DNAH12: variants seen among roughly 807,000 people sequenced by gnomAD.
The protein encoded by DNAH12 is dynein axonemal heavy chain 12.
DNAH12 carries 285 observed loss-of-function variants against 371.5 expected under a neutral mutation model. The observed-to-expected ratio is 0.77, with a 90% confidence interval of 0.70 to 0.85. The LOEUF is 0.85. Among genes scored for constraint, DNAH12 ranks in the 40% least tolerant of loss-of-function variants. The pLI, the probability that DNAH12 is intolerant of heterozygous loss-of-function variation, is 0.00. For missense variants in DNAH12, 3,611 were observed against 3,689.4 expected, an observed-to-expected ratio of 0.98 and a Z score of 0.55; for synonymous variants, 1,200 against 1,213.0, an observed-to-expected ratio of 0.99 and a Z score of 0.22.
intron 69 of DNAH12, among the ~76,000 whole-genome samples, chr3:57,305,243 C>T (rs2061444765): frequency 6.6e-6 from 1 of 152,028 alleles, no homozygotes; most frequent in Non-Finnish European, 1.5e-5. Context: ...CCAAACCCTC[C>T]TTCTTTCCCT....
intron 43 of DNAH12, among the ~76,000 whole-genome samples, chr3:57,396,405 T>TG (rs2063742967): frequency 6.6e-6 from 1 of 151,876 alleles, no homozygotes; most frequent in Non-Finnish European, 1.5e-5. Context: ...GTGATTTTTT[T>TG]TTTGTTTTTT....
At chr3:57,462,060 C>T (rs1387814187) in intron 18 of DNAH12, among the ~76,000 whole-genome samples, 2 of 152,114 alleles carry the variant, frequency 1.3e-5, no homozygotes, top group Non-Finnish European at 2.9e-5. Context: ...ACTTACCCTG[C>T]TAGAACACAT....
chr3:57,329,895 G>A (rs540191815), intron 62 of DNAH12, among the ~76,000 whole-genome samples: 2 of 152,228 alleles, frequency 1.3e-5, no homozygotes, highest in East Asian at 3.9e-4. Context: ...ATCCAAAAGT[G>A]GGCAAAGGAC....
At chr3:57,490,598 T>C (rs985615673) in intron 11 of DNAH12, among the ~76,000 whole-genome samples, 1 of 152,152 alleles carries the variant, frequency 6.6e-6, no homozygotes, top group Non-Finnish European at 1.5e-5. Flanking sequence ...CTCCACTCTC[T>C]ACTGAAATGG....
In DNAH12 at chr3:57,478,920, G is replaced by A. The variant is rs1373888694; in HGVS notation, c.1650+4456C>T. 2.6e-5 allele frequency among the ~76,000 whole-genome samples: 4 copies of A among 152,116 alleles called. No individual in the cohort carries two copies. The South Asian group carries it at 8.3e-4, about 32-fold the overall frequency. ...GGCCTGCCCTAAAAGAGCTCCTGAAGGAAGCGCTAAACATGGAAAGGAACA... is the reference window on the plus strand; with the variant it reads ...GGCCTGCCCTAAAAGAGCTCCTGAAAGAAGCGCTAAACATGGAAAGGAACA... On this transcript the variant is annotated intron_variant, in intron 13 of 73. Transcript: ENST00000495027.
At chr3:57,400,946 G>A (rs2063843726) in intron 43 of DNAH12, among the ~76,000 whole-genome samples, 1 of 152,020 alleles carries the variant, frequency 6.6e-6, no homozygotes, top group Non-Finnish European at 1.5e-5. Context: ...CATTCTCTAG[G>A]ATAGACCACA....
chr3:57,402,258 G>A, intron 43 of DNAH12: 1 of 580,700 alleles, frequency 1.7e-6, no homozygotes, highest in Middle Eastern at 3.3e-4. Flanking sequence ...TTAGGTTGTA[G>A]AAATTGTTTG....
chr3:57,551,458 A>T, the DNAH12 span, among the ~76,000 whole-genome samples: 1 of 151,638 alleles, frequency 6.6e-6, no homozygotes, highest in Non-Finnish European at 1.5e-5. Flanking sequence ...TTATTAGTAG[A>T]GACGGGGTTT....
chr3:57,314,254 T>A (rs1390922765), intron 66 of DNAH12, among the ~76,000 whole-genome samples: 2 of 152,192 alleles, frequency 1.3e-5, no homozygotes, highest in Non-Finnish European at 2.9e-5. Flanking sequence ...TGTGTCCTTC[T>A]GCACCTCTTT....
At chr3:57,339,404 A>T (rs1553655356) in intron 60 of DNAH12, among the ~76,000 whole-genome samples, 1 of 151,398 alleles carries the variant, frequency 6.6e-6, no homozygotes, top group East Asian at 1.9e-4. Flanking sequence ...AAAGAAAGAA[A>T]GTTGATCTCA....
chr3:57,368,893 C>G (rs2153334816), intron 55 of DNAH12, among the ~76,000 whole-genome samples: 1 of 152,114 alleles, frequency 6.6e-6, no homozygotes, highest in African/African-American at 2.4e-5. Flanking sequence ...CAGTACAGTA[C>G]ATTAAATTTT....
At chr3:57,544,846 C>T (rs1229404833), upstream of DNAH12, among the ~76,000 whole-genome samples, 1 of 152,144 alleles carries the variant, frequency 6.6e-6, no homozygotes, top group Non-Finnish European at 1.5e-5. Context: ...TGAAGCTGCA[C>T]AATGCATACT....
At chr3:57,422,114 A>G (rs986864961) in intron 35 of DNAH12, among the ~76,000 whole-genome samples, 2 of 151,626 alleles carry the variant, frequency 1.3e-5, no homozygotes, top group Admixed American at 6.6e-5. Context: ...GGGTTTTGCT[A>G]TGTTACCCAG....
chr3:57,542,386 C>T (rs1011330168), intron 2 of DNAH12, among the ~76,000 whole-genome samples: 8 of 152,100 alleles, frequency 5.3e-5, no homozygotes, highest in Non-Finnish European at 1.0e-4. Flanking sequence ...AGGTCCAAAT[C>T]CCAGCTGTGC....
At chr3:57,539,611 T>G (rs1018241585) in intron 2 of DNAH12, among the ~76,000 whole-genome samples, 2 of 123,340 alleles carry the variant, frequency 1.6e-5, no homozygotes, top group African/African-American at 6.6e-5. Context: ...TTTCTTTCCT[T>G]TTCCTTTTTT....
chr3:57,314,655 A>C, intron 65 of DNAH12, 24 bp from the exon 66 acceptor site: 1 of 1,506,422 alleles, frequency 6.6e-7, no homozygotes, highest in Non-Finnish European at 8.8e-7. Flanking sequence ...AGTACATAAC[A>C]AGAAAAAAAA....
intron 18 of DNAH12, 136 bp from the exon 19 acceptor site, chr3:57,461,825 A>T: frequency 1.4e-6 from 1 of 707,592 alleles, no homozygotes; most frequent in Admixed American, 3.0e-5. Flanking sequence ...TGAGTACAGT[A>T]TAACTTTTTA....
At chr3:57,510,333 G>A (rs1456468936) in intron 5 of DNAH12, among the ~76,000 whole-genome samples, 3 of 152,018 alleles carry the variant, frequency 2.0e-5, no homozygotes, top group Non-Finnish European at 2.9e-5. Context: ...AATAAAAATC[G>A]TATCTAAGAA....
chr3:57,434,250 G>C (rs1381917443), intron 30 of DNAH12, among the ~76,000 whole-genome samples: 2 of 152,128 alleles, frequency 1.3e-5, no homozygotes, highest in African/African-American at 4.8e-5. Context: ...CTTGTGGAAA[G>C]ACTAGGTAAC....
Sources: gnomAD v4.1 joint callset for allele counts (sites outside exome capture counted in the v4.1 genomes callset) on GRCh38, gnomAD v4.1.1 for gene constraint, MANE v1.5 for transcripts, NCBI Gene and HGNC (gene_info 2026-07-23, HGNC 2026-07-21) for gene names.